FBXW8: variants seen among roughly 807,000 people sequenced by gnomAD.
The protein encoded by FBXW8 is F-box/WD repeat-containing protein 8.
Under a neutral mutation model 65.3 loss-of-function variants are expected in FBXW8, and 57 were observed. The observed-to-expected ratio is 0.87, with a 90% CI of 0.71 to 1.09. The LOEUF is 1.09. FBXW8 is among the 50% of genes least tolerant of loss of function. The pLI is 0.00. For missense variants in FBXW8, 777 were observed against 814.8 expected, an observed-to-expected ratio of 0.95 and a Z score of 0.57; for synonymous variants, 308 against 330.2, an observed-to-expected ratio of 0.93 and a Z score of 0.73.
At chr12:116,972,064 C>T (rs1188693344) in intron 5 of FBXW8, among the ~76,000 whole-genome samples, 1 of 152,134 alleles carries the variant, frequency 6.6e-6, no homozygotes, top group Non-Finnish European at 1.5e-5. Context: ...AAATGTGGCA[C>T]ATTAAATTTA....
chr12:116,920,257 T>C (rs1004226297), intron 1 of FBXW8, among the ~76,000 whole-genome samples: 1 of 152,244 alleles, frequency 6.6e-6, no homozygotes, highest in African/African-American at 2.4e-5. Flanking sequence ...ATGATGCCTG[T>C]GTATACTAGA....
At chr12:116,917,415 T>A (rs115460372) in intron 1 of FBXW8, among the ~76,000 whole-genome samples, 1 of 152,268 alleles carries the variant, frequency 6.6e-6, no homozygotes, top group African/African-American at 2.4e-5. Flanking sequence ...CTGATCCACT[T>A]GACATGAATG....
Position 116,911,281 on chromosome 12 carries a change from C to G in FBXW8, c.244C>G (p.Arg82Gly). Residue 82 changes from arginine to glycine, a missense_variant, in exon 1 of 11, where the codon CGC (arginine) becomes GGC (glycine). Physicochemically the swap from Arg to Gly is moderately radical, Grantham distance 125 (BLOSUM62 -2). Coordinates refer to ENST00000652555, the MANE Select transcript of FBXW8 (RefSeq NM_153348.3). The part of the protein sequence containing the change: ...TRAEGQDVAS[R>G]SRSPLAREGA... ...GGCCGAGGGGCAGGACGTAGCGAGC[C>G]GCTCACGTTCTCCTCTGGCCCGCGA... The G allele has an allele frequency of 1.6e-6, 2 of 1,261,234 alleles. No homozygotes were observed. Among genetic ancestry groups the G allele is most frequent in the Non-Finnish European group, 2.0e-6 (2 of 1,006,020 alleles). 78.1% of individuals were successfully genotyped at this position (1,261,234 alleles called of 1,614,324 possible).
At chr12:116,921,269 A>G (rs1301439218) in intron 1 of FBXW8, among the ~76,000 whole-genome samples, 1 of 152,222 alleles carries the variant, frequency 6.6e-6, no homozygotes, top group Non-Finnish European at 1.5e-5. Flanking sequence ...TAGTTCACTT[A>G]TATCACCCGC....
At chr12:117,009,646 T>C (rs1009158485) in intron 7 of FBXW8, among the ~76,000 whole-genome samples, 42 of 152,186 alleles carry the variant, frequency 2.8e-4, no homozygotes, top group African/African-American at 8.9e-4. Context: ...AAACGTAAAT[T>C]TCCCCCTGCT....
Position 116,910,988 on chromosome 12 carries a change from G to T in FBXW8, c.-50G>T. ...ACACTTCCCTGGGCGGGACTGTCTCGTGGCACCCGGTGGAACCGAGGAGAA... is the reference window on the plus strand; with the variant it reads ...ACACTTCCCTGGGCGGGACTGTCTCTTGGCACCCGGTGGAACCGAGGAGAA... On this transcript the variant is annotated 5_prime_UTR_variant, in exon 1 of 11. Transcript: ENST00000652555. The T allele has an allele frequency of 7.4e-7, 1 of 1,342,342 alleles. No individual in the cohort carries two copies. Among genetic ancestry groups the T allele is most frequent in the Non-Finnish European group, 9.5e-7 (1 of 1,051,430 alleles). 83.2% of individuals were successfully genotyped at this position (1,342,342 alleles called of 1,614,324 possible).
chr12:116,922,398 G>A (rs183830307), intron 1 of FBXW8, among the ~76,000 whole-genome samples: 12 of 152,266 alleles, frequency 7.9e-5, no homozygotes, highest in Non-Finnish European at 1.5e-4. Context: ...CATAGATTTA[G>A]TAAAAATGTT....
At chr12:116,918,232 C>G (rs1880602693) in intron 1 of FBXW8, among the ~76,000 whole-genome samples, 3 of 152,074 alleles carry the variant, frequency 2.0e-5, no homozygotes, top group Non-Finnish European at 4.4e-5. Flanking sequence ...GTTCATAAAC[C>G]CAGGCTTCTT....
At chr12:116,956,104 C>T (rs1424624103) in intron 4 of FBXW8, among the ~76,000 whole-genome samples, 6 of 152,096 alleles carry the variant, frequency 3.9e-5, no homozygotes, top group African/African-American at 1.4e-4. Flanking sequence ...GACATTTTCT[C>T]TCTTTTGGTT....
intron 2 of FBXW8, among the ~76,000 whole-genome samples, chr12:116,937,619 A>G (rs1381796632): frequency 6.6e-6 from 1 of 152,184 alleles, no homozygotes. Flanking sequence ...GTCACTGGTG[A>G]CCTTGACCAG....
At chr12:117,014,072 C>T (rs891034230) in intron 8 of FBXW8, among the ~76,000 whole-genome samples, 3 of 152,082 alleles carry the variant, frequency 2.0e-5, no homozygotes, top group Non-Finnish European at 4.4e-5. Context: ...AAATATTAAA[C>T]CTTGTGAAAT....
chr12:116,932,301 T>G (rs1203755050), intron 2 of FBXW8, among the ~76,000 whole-genome samples: 1 of 152,180 alleles, frequency 6.6e-6, no homozygotes, highest in East Asian at 1.9e-4. Context: ...CATCCCTGGA[T>G]TCTATACTGC....
At chr12:116,965,677 A>C (rs141376912) in intron 5 of FBXW8, among the ~76,000 whole-genome samples, 47 of 152,350 alleles carry the variant, frequency 3.1e-4, no homozygotes, top group African/African-American at 1.1e-3. Context: ...GTTGGCTCAG[A>C]GGAACAAAAC....
intron 7 of FBXW8, among the ~76,000 whole-genome samples, chr12:116,994,487 C>T (rs557171072): frequency 2.0e-5 from 3 of 152,332 alleles, no homozygotes; most frequent in African/African-American, 7.2e-5. Context: ...CTCCCTCCAA[C>T]CTGCCACCCA....
At chr12:117,009,742 G>A (rs978391578) in intron 7 of FBXW8, among the ~76,000 whole-genome samples, 1 of 152,246 alleles carries the variant, frequency 6.6e-6, no homozygotes, top group East Asian at 1.9e-4. Flanking sequence ...ATACCCTATG[G>A]AACACAGCAT....
In FBXW8 at chr12:116,936,689, C is replaced by T. The variant is rs1882184123; in HGVS notation, c.423+8562C>T. On this transcript the variant is annotated intron_variant, in intron 2 of 10. Coordinates refer to ENST00000652555, the MANE Select transcript of FBXW8 (RefSeq NM_153348.3). This position sits in a 1 kb window ranked among gnomAD's most constrained non-coding sequence, Gnocchi z 4.6. ...CACCTTGCTTTTACACTTCTGGTCTCCGGAACTATAAGCGAATAAATCTGT... is the reference window on the plus strand; with the variant it reads ...CACCTTGCTTTTACACTTCTGGTCTTCGGAACTATAAGCGAATAAATCTGT... Among the ~76,000 whole-genome samples, 1 of 152,120 alleles carries T rather than the reference C, an allele frequency of 6.6e-6. No individual in the cohort carries two copies. The highest frequency in any genetic ancestry group is 6.5e-5 in the Admixed American group (1 of 15,270).
In FBXW8 at chr12:117,029,550, G is replaced by A. The variant is rs1954311737; in HGVS notation, c.*1378G>A. 6.6e-6 allele frequency: 1 copy of A among 152,116 alleles called. No homozygotes were observed. The highest frequency in any genetic ancestry group is 6.5e-5 in the Admixed American group (1 of 15,272). 9.4% of individuals were successfully genotyped at this position (152,116 alleles called of 1,614,324 possible). A position where few individuals can be genotyped will look rare whatever the true frequency, so the allele number is the denominator to read the frequency against. ...CAGCAGAAGGCAGGGGTTAAATCAG[G>A]ATAAAAACAGACATCAGTGGAATCG... On this transcript the variant is annotated 3_prime_UTR_variant, in exon 11 of 11. Coordinates refer to ENST00000652555, the MANE Select transcript of FBXW8 (RefSeq NM_153348.3).
intron 7 of FBXW8, among the ~76,000 whole-genome samples, chr12:117,006,837 C>A (rs1219396939): frequency 1.3e-5 from 2 of 152,204 alleles, no homozygotes; most frequent in Non-Finnish European, 1.5e-5. Context: ...TGAATCACAG[C>A]ATTATTTATT....
At chr12:116,975,847 T>C (rs796107443) in intron 5 of FBXW8, among the ~76,000 whole-genome samples, 1 of 152,130 alleles carries the variant, frequency 6.6e-6, no homozygotes, top group African/African-American at 2.4e-5. Context: ...TTGCCCCAGA[T>C]TGGAGTCGAT....
Sources: gnomAD v4.1 joint callset for allele counts (sites outside exome capture counted in the v4.1 genomes callset) on GRCh38, gnomAD v4.1.1 for gene constraint, Gnocchi (gnomAD v3.1) non-coding constraint, MANE v1.5 for transcripts, NCBI Gene and HGNC (gene_info 2026-07-23, HGNC 2026-07-21) for gene names.